KLHL2: variants seen among roughly 807,000 people sequenced by gnomAD.
KLHL2 encodes kelch-like protein 2.
KLHL2 carries 15 observed loss-of-function variants against 75.8 expected under a neutral mutation model. The observed-to-expected ratio is 0.20, with a 90% CI of 0.13 to 0.30. KLHL2 has a LOEUF of 0.30. KLHL2 is among the 10% of genes least tolerant of loss of function. The pLI is 1.00. For synonymous variants in KLHL2, 214 were observed against 251.9 expected (o/e 0.85, Z 1.42); for missense variants, 381 against 741.0 (o/e 0.51, Z 5.64).
intron 2 of KLHL2, chr4:165,223,915 T>C (rs535808253): frequency 2.7e-5 from 12 of 450,140 alleles, no homozygotes; most frequent in African/African-American, 2.4e-4. Context: ...CCAGGTAAGT[T>C]TTTTCTTTTT....
rs1746843621 is a variant in KLHL2 at position 165,319,912 on chromosome 4, T to TA, written c.1753+1943_1753+1944insA. ...TATGATTTGAGAAAAAGGAAAGTCA[T>TA]TATGTGACAACCTGAAGCAAAAGGA... On this transcript the variant is annotated intron_variant, in intron 14 of 14. Coordinates refer to ENST00000226725, the MANE Select transcript of KLHL2 (RefSeq NM_007246.4). The surrounding 1 kb of genome is among the most constrained non-coding windows in gnomAD (Gnocchi z 4.5). 6.6e-6 allele frequency among the ~76,000 whole-genome samples: 1 copy of TA among 152,166 alleles called. No homozygotes were observed. The highest frequency in any genetic ancestry group is 2.1e-4 in the South Asian group (1 of 4,834).
chr4:165,300,323 T>G (rs1234574460), intron 8 of KLHL2, among the ~76,000 whole-genome samples: 1 of 152,050 alleles, frequency 6.6e-6, no homozygotes, highest in Non-Finnish European at 1.5e-5. Context: ...AAGAATTATT[T>G]TGTAAGCTAG....
chr4:165,255,013 C>T (rs1231596840), intron 4 of KLHL2, among the ~76,000 whole-genome samples: 1 of 152,186 alleles, frequency 6.6e-6, no homozygotes, highest in African/African-American at 2.4e-5. Flanking sequence ...AAATCGTTGA[C>T]TGACATTTAA....
chr4:165,291,301 C>T (rs1375976201), intron 5 of KLHL2, among the ~76,000 whole-genome samples: 1 of 152,106 alleles, frequency 6.6e-6, no homozygotes, highest in Non-Finnish European at 1.5e-5. Context: ...TTCTTAAGAG[C>T]ATCCTTTGCA....
At chr4:165,301,316 C>T (rs1260543654) in intron 8 of KLHL2, among the ~76,000 whole-genome samples, 1 of 152,162 alleles carries the variant, frequency 6.6e-6, no homozygotes, top group Non-Finnish European at 1.5e-5. Flanking sequence ...AATTTTTACT[C>T]AGAATTATCA....
chr4:165,298,681 G>A (rs1047597312), intron 7 of KLHL2, among the ~76,000 whole-genome samples: 1 of 152,078 alleles, frequency 6.6e-6, no homozygotes, highest in African/African-American at 2.4e-5. Context: ...AGTGGCTCAC[G>A]TCTATAATCC....
intron 5 of KLHL2, chr4:165,279,700 C>CGGGAGG: frequency 2.6e-6 from 3 of 1,145,574 alleles, no homozygotes; most frequent in South Asian, 1.2e-5. Context: ...GTGACGGCGG[C>CGGGAGG]GGGAGGGGGA....
intron 8 of KLHL2, among the ~76,000 whole-genome samples, chr4:165,301,686 ATTTAT>A (rs1745359426): frequency 1.3e-5 from 2 of 152,182 alleles, no homozygotes; most frequent in South Asian, 2.1e-4. Context: ...TAAGGTTGCC[ATTTAT>A]TTTATTTTAT....
chr4:165,247,947 A>G (rs1286743565), intron 4 of KLHL2, among the ~76,000 whole-genome samples: 1 of 152,232 alleles, frequency 6.6e-6, no homozygotes, highest in Non-Finnish European at 1.5e-5. Flanking sequence ...AATACTTAGT[A>G]TAGAGATGAT....
At chr4:165,285,189 G>A (rs894326084) in intron 5 of KLHL2, among the ~76,000 whole-genome samples, 5 of 152,072 alleles carry the variant, frequency 3.3e-5, no homozygotes, top group African/African-American at 7.2e-5. Context: ...TTGAGGTTAC[G>A]AATACATATT....
At chr4:165,285,627 G>A (rs368615738) in intron 5 of KLHL2, among the ~76,000 whole-genome samples, 5 of 152,184 alleles carry the variant, frequency 3.3e-5, no homozygotes, top group Admixed American at 6.5e-5. Context: ...GGCTGGTATC[G>A]AACTTTTGAC....
Position 165,299,800 on chromosome 4 carries a change from G to T in KLHL2, c.921+144G>T, listed in dbSNP as rs887149875. ...AATGTGCCTAAGAATGCATTGTAGT[G>T]TATGTAATTCAACCTCTATTGATTT... On this transcript the variant is annotated intron_variant, in intron 8 of 14. Coordinates refer to ENST00000226725, the MANE Select transcript of KLHL2 (RefSeq NM_007246.4). 396 of 651,826 alleles carry T rather than the reference G, an allele frequency of 6.1e-4. 1 individual carries two copies. The highest frequency in any genetic ancestry group is 1.3e-4 in the Non-Finnish European group (51 of 402,922). The allele number at this position is 651,826 out of a possible 1,614,324, so 40.4% of individuals were successfully genotyped here.
intron 9 of KLHL2, among the ~76,000 whole-genome samples, chr4:165,308,673 G>A (rs186154254): frequency 6.6e-6 from 1 of 152,210 alleles, no homozygotes; most frequent in African/African-American, 2.4e-5. Context: ...TCTAAGAGAT[G>A]GCATATTTGT....
chr4:165,278,232 A>C lies in KLHL2; in HGVS notation c.544+14873A>C, dbSNP rs773905230. On this transcript the variant is annotated intron_variant, in intron 5 of 14. Coordinates refer to ENST00000226725, the MANE Select transcript of KLHL2 (RefSeq NM_007246.4). ...GACAAATCCTCAGGTTCAAGACTCC[A>C]TACGTCGACTCCTTCTGCAGCCCCT... 1.5e-5 allele frequency: 17 copies of C among 1,155,486 alleles called. 1 individual carries two copies. The South Asian group carries it at 2.1e-4, about 14-fold the overall frequency. The allele number at this position is 1,155,486 out of a possible 1,614,324, so 71.6% of individuals were successfully genotyped here.
intron 5 of KLHL2, among the ~76,000 whole-genome samples, chr4:165,267,478 T>A (rs1742329706): frequency 6.6e-6 from 1 of 152,164 alleles, no homozygotes; most frequent in Non-Finnish European, 1.5e-5. Flanking sequence ...TATTTTGAGA[T>A]ACGTTCCATC....
rs562224975 is a variant in KLHL2 at position 165,287,015 on chromosome 4, A to G, written c.545-7344A>G. Among the ~76,000 whole-genome samples, 27 of 152,350 alleles carry G rather than the reference A, an allele frequency of 1.8e-4. No homozygotes were observed. In the South Asian group the frequency reaches 3.5e-3, roughly 20 times the overall value. On this transcript the variant is annotated intron_variant, in intron 5 of 14. Transcript: ENST00000226725. The stretch of plus-strand genomic sequence containing the variant: ...ATATTTGTGTTAAGGAACATATAAC[A>G]TGAAATTTACCACCTTAGCCATTTT...
intron 5 of KLHL2, among the ~76,000 whole-genome samples, chr4:165,271,008 T>C (rs1055511696): frequency 1.3e-5 from 2 of 152,346 alleles, no homozygotes; most frequent in African/African-American, 4.8e-5. Flanking sequence ...GGTCTACATA[T>C]CTACTTATAT....
intron 5 of KLHL2, 79 bp from the exon 6 acceptor site, chr4:165,294,280 A>G: frequency 2.5e-6 from 2 of 814,666 alleles, no homozygotes; most frequent in Non-Finnish European, 4.0e-6. Flanking sequence ...TTAAATTAAG[A>G]AAAACCTTTT....
intron 4 of KLHL2, among the ~76,000 whole-genome samples, chr4:165,241,630 GCTAGAAAGT>G (rs1184879400): frequency 3.3e-5 from 5 of 152,114 alleles, no homozygotes; most frequent in African/African-American, 1.2e-4. Flanking sequence ...ATAATATTGG[GCTAGAAAGT>G]ATCTTTGGGA....
Sources: allele counts gnomAD v4.1 joint callset (sites outside exome capture counted in the v4.1 genomes callset), GRCh38; gene constraint gnomAD v4.1.1; non-coding constraint Gnocchi (gnomAD v3.1); transcripts MANE v1.5; gene names NCBI Gene and HGNC (gene_info 2026-07-23, HGNC 2026-07-21).